Variants in ANKS1A observed in about 807,000 individuals in gnomAD.
The protein encoded by ANKS1A is ankyrin repeat and sterile alpha motif domain containing 1A, also known as ankyrin repeat and SAM domain-containing protein 1A.
Under a neutral mutation model 120.3 loss-of-function variants are expected in ANKS1A, and 55 were observed. The ratio of observed to expected loss-of-function variants is 0.46; its 90% CI spans 0.37 to 0.57. The LOEUF is 0.57. Ranked by LOEUF, ANKS1A falls within the 20% of genes least tolerant of loss-of-function variation. ANKS1A has a pLI of 0.00. For synonymous variants in ANKS1A, 590 were observed against 604.7 expected (o/e 0.98, Z 0.36); for missense variants, 1,123 against 1,480.3 (o/e 0.76, Z 3.96).
rs533652132 is a variant in ANKS1A at position 34,930,855 on chromosome 6, T to C, written c.198-36384T>C. Among the ~76,000 whole-genome samples the C allele has an allele frequency of 5.3e-5, 8 of 151,964 alleles. 1 individual carries two copies. The East Asian group carries it at 1.5e-3, about 29-fold the overall frequency. On this transcript the variant is annotated intron_variant, in intron 1 of 23. Coordinates refer to ENST00000360359, the MANE Select transcript of ANKS1A (RefSeq NM_015245.3). ...CCTGTTACTTTGGCTGAGGGAAGAGTTTTATGCTTATCTCACATAAAGTCT... is the reference window on the plus strand; with the variant it reads ...CCTGTTACTTTGGCTGAGGGAAGAGCTTTATGCTTATCTCACATAAAGTCT...
Position 35,089,438 on chromosome 6 carries a change from G to A in ANKS1A, c.*829G>A, listed in dbSNP as rs763766853. On this transcript the variant is annotated 3_prime_UTR_variant, in exon 24 of 24. Transcript: ENST00000360359. ...GGCTGGCCGGCGCCGTACTGCCTGCGTTGTGTCAGAGAATAGGAAAAGCAG... is the reference window on the plus strand; with the variant it reads ...GGCTGGCCGGCGCCGTACTGCCTGCATTGTGTCAGAGAATAGGAAAAGCAG... 1.5e-5 allele frequency: 15 copies of A among 986,554 alleles called. No homozygotes were observed. The Admixed American group carries it at 1.8e-4, about 12-fold the overall frequency. 61.1% of individuals were successfully genotyped at this position (986,554 alleles called of 1,614,324 possible).
intron 10 of ANKS1A, among the ~76,000 whole-genome samples, chr6:35,002,934 T>C (rs965125570): frequency 6.7e-6 from 1 of 148,686 alleles, no homozygotes; most frequent in African/African-American, 2.5e-5. Context: ...TTGCAGACCG[T>C]TTAAGCCCAC....
Position 35,082,044 on chromosome 6 carries a change from T to A in ANKS1A, c.2710-647T>A, listed in dbSNP as rs1157881544. Among the ~76,000 whole-genome samples, 1 of 152,202 alleles carries A rather than the reference T, an allele frequency of 6.6e-6. No individual in the cohort carries two copies. Among genetic ancestry groups the A allele is most frequent in the Non-Finnish European group, 1.5e-5 (1 of 68,036 alleles). On this transcript the variant is annotated intron_variant, in intron 17 of 23. Transcript: ENST00000360359. The surrounding 1 kb of genome is among the most constrained non-coding windows in gnomAD (Gnocchi z 4.1). ...GATTTTTAAACACATTGTCCAGCAA[T>A]TCCGGTTGCTGTTGAGAGGCTCTGC...
chr6:35,034,199 T>C (rs1050270990), intron 11 of ANKS1A, among the ~76,000 whole-genome samples: 4 of 152,206 alleles, frequency 2.6e-5, no homozygotes, highest in Admixed American at 6.5e-5. Flanking sequence ...ATATGTGTGT[T>C]TGTTTCATTG....
At chr6:35,027,862 T>G (rs1393770951) in intron 11 of ANKS1A, among the ~76,000 whole-genome samples, 1 of 152,224 alleles carries the variant, frequency 6.6e-6, no homozygotes, top group East Asian at 1.9e-4. Context: ...GGCCTGTAGC[T>G]GCTGGGCAGG....
At chr6:34,964,254 C>T (rs1282412509) in intron 1 of ANKS1A, among the ~76,000 whole-genome samples, 1 of 151,984 alleles carries the variant, frequency 6.6e-6, no homozygotes, top group Non-Finnish European at 1.5e-5. Context: ...TAGATGATTC[C>T]CCCTTTCTTT....
chr6:34,946,019 C>A (rs1769775548), intron 1 of ANKS1A, among the ~76,000 whole-genome samples: 2 of 147,442 alleles, frequency 1.4e-5, no homozygotes, highest in South Asian at 2.1e-4. Context: ...CTCACTCTGT[C>A]CCCCAGGCTG....
intron 1 of ANKS1A, among the ~76,000 whole-genome samples, chr6:34,896,134 A>G (rs2127443213): frequency 6.6e-6 from 1 of 150,786 alleles, no homozygotes; most frequent in East Asian, 2.0e-4. Context: ...CAGTGGTGCA[A>G]TCTCAGCTCA....
intron 1 of ANKS1A, among the ~76,000 whole-genome samples, chr6:34,896,383 T>G (rs1767084633): frequency 6.6e-6 from 1 of 152,126 alleles, no homozygotes; most frequent in Admixed American, 6.6e-5. Flanking sequence ...AAGAATGTCT[T>G]AAAATACTCC....
At chr6:34,983,758 C>G (rs1772036278) in intron 7 of ANKS1A, among the ~76,000 whole-genome samples, 1 of 151,140 alleles carries the variant, frequency 6.6e-6, no homozygotes, top group Admixed American at 6.6e-5. Context: ...TAATCACAAT[C>G]TAGTGCCTTG....
intron 1 of ANKS1A, among the ~76,000 whole-genome samples, chr6:34,921,889 T>C (rs377036443): frequency 2.6e-5 from 4 of 152,082 alleles, no homozygotes; most frequent in African/African-American, 9.7e-5. Flanking sequence ...TAGAGACAGG[T>C]CTCGCTATGT....
chr6:35,023,746 A>G (rs1182636729), intron 11 of ANKS1A: 2 of 349,026 alleles, frequency 5.7e-6, no homozygotes, highest in Non-Finnish European at 1.1e-5. Context: ...CTCCCAGAAT[A>G]TAGAGGCACC....
At chr6:35,034,270 CGTAA>C (rs987020454) in intron 11 of ANKS1A, among the ~76,000 whole-genome samples, 1 of 152,092 alleles carries the variant, frequency 6.6e-6, no homozygotes, top group African/African-American at 2.4e-5. Flanking sequence ...TTGACATCAC[CGTAA>C]GTGTTTTGGT....
intron 10 of ANKS1A, among the ~76,000 whole-genome samples, chr6:35,013,733 T>A (rs1773875488): frequency 6.6e-6 from 1 of 152,244 alleles, no homozygotes; most frequent in Admixed American, 6.5e-5. Flanking sequence ...TATTACCTTC[T>A]GTCCCTTCCT....
At chr6:35,051,440 A>G (rs1386967566) in intron 11 of ANKS1A, among the ~76,000 whole-genome samples, 2 of 152,222 alleles carry the variant, frequency 1.3e-5, no homozygotes, top group Non-Finnish European at 2.9e-5. Flanking sequence ...AATGAAATAT[A>G]TAATATGACT....
At position 35,082,837 on chromosome 6, in the gene ANKS1A, C is replaced by T. The variant is rs1561966669; in HGVS notation, c.2835+21C>T. The stretch of plus-strand genomic sequence containing the variant: ...CCAATGTGAGTTGCTCCCACCCTCC[C>T]AGCAGGGCCGGCCTCCCTGCTCCTT... On this transcript the variant is annotated intron_variant, in intron 18 of 23. Transcript: ENST00000360359. This position sits in a 1 kb window ranked among gnomAD's most constrained non-coding sequence, Gnocchi z 4.1. 1 of 1,603,394 alleles carries T rather than the reference C, an allele frequency of 6.2e-7. No individual in the cohort carries two copies. The highest frequency in any genetic ancestry group is 8.5e-7 in the Non-Finnish European group (1 of 1,174,730).
intron 17 of ANKS1A, 62 bp downstream of exon 17, chr6:35,081,220 C>A: frequency 6.7e-7 from 1 of 1,495,532 alleles, no homozygotes; most frequent in South Asian, 1.3e-5. Context: ...TGGGACAGGG[C>A]CTCCCAGAAC....
chr6:35,055,051 C>A (rs552270229), intron 12 of ANKS1A, among the ~76,000 whole-genome samples: 6 of 152,208 alleles, frequency 3.9e-5, no homozygotes, highest in South Asian at 2.1e-4. Flanking sequence ...TCAAGTGACA[C>A]CTCTAGTTCC....
intron 17 of ANKS1A, among the ~76,000 whole-genome samples, chr6:35,081,742 G>C (rs1395057968): frequency 6.6e-6 from 1 of 152,218 alleles, no homozygotes; most frequent in Non-Finnish European, 1.5e-5. Context: ...GCGGAGGTGG[G>C]CCCGTCTCAC....
Sources: gnomAD v4.1 joint callset for allele counts (sites outside exome capture counted in the v4.1 genomes callset) on GRCh38, gnomAD v4.1.1 for gene constraint, Gnocchi (gnomAD v3.1) non-coding constraint, MANE v1.5 for transcripts, NCBI Gene and HGNC (gene_info 2026-07-23, HGNC 2026-07-21) for gene names.